The following IRS1 variants were observed in gnomAD, a reference collection of about 807,000 sequenced individuals.
The protein encoded by IRS1 is insulin receptor substrate 1.
Under a neutral mutation model 65.6 loss-of-function variants are expected in IRS1, and 34 were observed. The ratio of observed to expected loss-of-function variants is 0.52; its 90% CI spans 0.39 to 0.69. IRS1 has a LOEUF of 0.69. Ranked by LOEUF, IRS1 falls within the 30% of genes least tolerant of loss-of-function variation. The probability of loss-of-function intolerance (pLI) is 0.00; values close to 1 mark genes in which losing one functional copy is unlikely to be tolerated. For synonymous variants in IRS1, 699 were observed against 683.5 expected, an observed-to-expected ratio of 1.02 and a Z score of -0.35; for missense variants, 1,641 against 1,720.2, an observed-to-expected ratio of 0.95 and a Z score of 0.81.
intron 1 of IRS1, among the ~76,000 whole-genome samples, chr2:226,789,896 C>A (rs538771199): frequency 6.6e-6 from 1 of 152,110 alleles, no homozygotes; most frequent in Non-Finnish European, 1.5e-5. Flanking sequence ...CGAAAATGCC[C>A]CCTTGAAGCA....
In IRS1 at chr2:226,798,473, C is replaced by G; in HGVS notation, c.266G>C (p.Arg89Pro). ...CGCCGCGATGGCAAAGTGCTCGTCC[C>G]GGGTGTAGAGAGCCACCAGGTGCTT... ...KNKHLVALYT[R>P]DEHFAIAADS... Residue 89 changes from arginine (R) to proline (P), a missense_variant, in exon 1 of 2, where the codon CGG becomes CCG. This residue lies in a region of IRS1 where 240 missense variants were observed against 229.6 expected (regional missense o/e 1.05). Coordinates refer to ENST00000305123, the MANE Select transcript of IRS1 (RefSeq NM_005544.3). This position sits in a 1 kb window ranked among gnomAD's most constrained non-coding sequence, Gnocchi z 9.4. 6.2e-7 allele frequency: 1 copy of G among 1,614,110 alleles called. No homozygotes were observed. Among genetic ancestry groups the G allele is most frequent in the Non-Finnish European group, 8.5e-7 (1 of 1,180,024 alleles).
rs191160349 is a variant in IRS1, at chr2:226,760,518, A to G, written c.*22-24268T>C. On this transcript the variant is annotated intron_variant, in intron 1 of 1. Coordinates refer to ENST00000305123, the MANE Select transcript of IRS1 (RefSeq NM_005544.3). Reference sequence around the variant, plus strand: ...CGGTCATAATTTTTTTTACCCTCTTAATCTGCTGTGGCTCCATTAGTAAGC... The same window carrying G: ...CGGTCATAATTTTTTTTACCCTCTTGATCTGCTGTGGCTCCATTAGTAAGC... Among the ~76,000 whole-genome samples, 8 of 152,248 alleles carry G rather than the reference A, an allele frequency of 5.3e-5. No individual in the cohort carries two copies. The East Asian group carries it at 1.6e-3, about 30-fold the overall frequency.
At chr2:226,772,650 T>C (rs1241688860) in intron 1 of IRS1, among the ~76,000 whole-genome samples, 23 of 149,732 alleles carry the variant, frequency 1.5e-4, no homozygotes, top group Admixed American at 8.6e-4. Flanking sequence ...TGCTGGTAAA[T>C]TCTTTCTCTT....
intron 1 of IRS1, among the ~76,000 whole-genome samples, chr2:226,770,952 G>C (rs771210721): frequency 2.0e-5 from 3 of 152,150 alleles, no homozygotes; most frequent in Non-Finnish European, 4.4e-5. Flanking sequence ...TTGAGCACAA[G>C]AGTTTGGGGT....
chr2:226,766,163 A>ATTTTTTTTTTTTTTTTTTT, intron 1 of IRS1, among the ~76,000 whole-genome samples: 1 of 4,598 alleles, frequency 2.2e-4, no homozygotes, highest in Non-Finnish European at 4.8e-4. Context: ...ATATATATAT[A>ATTTTTTTTTTTTTTTTTTT]TTTTTTTTTT....
intron 1 of IRS1, among the ~76,000 whole-genome samples, chr2:226,746,782 A>AT (rs1938554009): frequency 7.2e-6 from 1 of 138,532 alleles, no homozygotes; most frequent in Non-Finnish European, 1.6e-5. Flanking sequence ...TCCTAGCAGC[A>AT]TTCTTTTTTT....
chr2:226,796,849 TC>T lies in IRS1; in HGVS notation c.1889del (p.Gly630GlufsTer6). On this transcript the variant is annotated frameshift_variant, in exon 1 of 2. Transcript: ENST00000305123. LOFTEE classifies it high-confidence loss of function. ...APVPSGRKGSGDYMPMSPKSV... is the reference protein window; with the variant it reads ...APVPSGRKGSXDYMPMSPKSV... Reference sequence around the variant, plus strand: ...TCTTGGGGCTCATGGGCATATAGTCTCCACTGCCCTTTCGGCCACTGGGCAC... The same window carrying T: ...TCTTGGGGCTCATGGGCATATAGTCTCACTGCCCTTTCGGCCACTGGGCAC... 2.6e-6 allele frequency: 4 copies of T among 1,543,124 alleles called. No individual in the cohort carries two copies. The highest frequency in any genetic ancestry group is 3.5e-6 in the Non-Finnish European group (4 of 1,143,492).
At chr2:226,747,159 A>G (rs1938564025) in intron 1 of IRS1, among the ~76,000 whole-genome samples, 1 of 152,122 alleles carries the variant, frequency 6.6e-6, no homozygotes, top group South Asian at 2.1e-4. Context: ...TGGCTGAGCT[A>G]AAAGCACCCC....
chr2:226,789,794 C>T (rs1343923410), intron 1 of IRS1, among the ~76,000 whole-genome samples: 2 of 151,988 alleles, frequency 1.3e-5, no homozygotes, highest in Non-Finnish European at 2.9e-5. Flanking sequence ...TTTAAAAAGG[C>T]GGAAGGAAGA....
rs2106155678 is a variant in IRS1 at position 226,735,198 on chromosome 2, A to T, written c.*1074T>A. ...GGGAATAGAGCAGGAAACTTACAGAAGTGGTGGGGGGAGGGGACAGAAGAA... is the reference window on the plus strand; with the variant it reads ...GGGAATAGAGCAGGAAACTTACAGATGTGGTGGGGGGAGGGGACAGAAGAA... On this transcript the variant is annotated 3_prime_UTR_variant, in exon 2 of 2. Coordinates refer to ENST00000305123, the MANE Select transcript of IRS1 (RefSeq NM_005544.3). The T allele has an allele frequency of 6.6e-6, 1 of 152,296 alleles. No individual in the cohort carries two copies. The highest frequency in any genetic ancestry group is 1.5e-5 in the Non-Finnish European group (1 of 68,028). The allele number at this position is 152,296 out of a possible 1,614,324, so 9.4% of individuals were successfully genotyped here.
intron 1 of IRS1, among the ~76,000 whole-genome samples, chr2:226,790,812 A>G (rs1199309798): frequency 6.6e-6 from 1 of 152,194 alleles, no homozygotes; most frequent in African/African-American, 2.4e-5. Context: ...CATCCCATGT[A>G]GTAATATATC....
intron 1 of IRS1, chr2:226,792,228 T>C (rs1939626930): frequency 6.6e-6 from 1 of 152,110 alleles, no homozygotes; most frequent in South Asian, 2.1e-4. Flanking sequence ...CTGGGGTCTG[T>C]GTCTTTGTCA....
At chr2:226,745,576 A>C (rs947914586) in intron 1 of IRS1, among the ~76,000 whole-genome samples, 1 of 152,194 alleles carries the variant, frequency 6.6e-6, no homozygotes, top group Non-Finnish European at 1.5e-5. Context: ...CAAAATCCCA[A>C]ATGTTTTCGT....
At chr2:226,751,194 A>G (rs567588126) in intron 1 of IRS1, among the ~76,000 whole-genome samples, 4 of 152,080 alleles carry the variant, frequency 2.6e-5, no homozygotes, top group African/African-American at 7.2e-5. Context: ...CTCTTGAACA[A>G]TACAGATTTG....
intron 1 of IRS1, among the ~76,000 whole-genome samples, chr2:226,776,527 G>A (rs1574655313): frequency 1.3e-5 from 2 of 152,106 alleles, no homozygotes; most frequent in South Asian, 4.1e-4. Context: ...GGTCAACATC[G>A]ACCTTGAGAA....
chr2:226,738,509 T>G (rs1310865556), intron 1 of IRS1, among the ~76,000 whole-genome samples: 1 of 152,234 alleles, frequency 6.6e-6, no homozygotes, highest in Non-Finnish European at 1.5e-5. Context: ...AATAAAGACT[T>G]GGCATGACGA....
In IRS1 at chr2:226,734,190, A is replaced by T. The variant is rs1192075991; in HGVS notation, c.*2082T>A. 1 of 151,344 alleles carries T rather than the reference A, an allele frequency of 6.6e-6. No homozygotes were observed. Among genetic ancestry groups the T allele is most frequent in the East Asian group, 2.0e-4 (1 of 5,036 alleles). 9.4% of individuals were successfully genotyped at this position (151,344 alleles called of 1,614,324 possible). A position where few individuals can be genotyped will look rare whatever the true frequency, so the allele number is the denominator to read the frequency against. ...CTTGAAAATATGAAAAGTTAGTTTG[A>T]CTAAGAAAGTCTTTTTTTACAAGAG... On this transcript the variant is annotated 3_prime_UTR_variant, in exon 2 of 2. Coordinates refer to ENST00000305123, the MANE Select transcript of IRS1 (RefSeq NM_005544.3).
chr2:226,778,195 T>A (rs1340732118), intron 1 of IRS1, among the ~76,000 whole-genome samples: 1 of 152,190 alleles, frequency 6.6e-6, no homozygotes, highest in African/African-American at 2.4e-5. Flanking sequence ...AGTATATTTC[T>A]ATAATTTAAA....
At chr2:226,756,303 C>G (rs1215089507) in intron 1 of IRS1, among the ~76,000 whole-genome samples, 1 of 152,176 alleles carries the variant, frequency 6.6e-6, no homozygotes, top group African/African-American at 2.4e-5. Flanking sequence ...TGAATCAAAA[C>G]ATATATGCTC....
Sources: allele counts gnomAD v4.1 joint callset (sites outside exome capture counted in the v4.1 genomes callset), GRCh38; gene constraint gnomAD v4.1.1; regional missense constraint gnomAD v4.1.1; non-coding constraint Gnocchi (gnomAD v3.1); transcripts MANE v1.5; gene names NCBI Gene and HGNC (gene_info 2026-07-23, HGNC 2026-07-21).